The following MCTP1 variants were observed in gnomAD, a reference collection of about 807,000 sequenced individuals.
MCTP1 encodes multiple C2 and transmembrane domain containing 1, also known as multiple C2 and transmembrane domain-containing protein 1.
In MCTP1, 69 loss-of-function variants were observed where a neutral mutation model predicts 120.6. The ratio of observed to expected loss-of-function variants is 0.57; its 90% CI spans 0.47 to 0.70. The LOEUF (loss-of-function observed/expected upper bound fraction) is 0.70, where lower values mean the gene tolerates loss of function less well. Ranked by LOEUF, MCTP1 falls within the 30% of genes least tolerant of loss-of-function variation. MCTP1 has a pLI of 0.00. For synonymous variants in MCTP1, 529 were observed against 493.1 expected, an observed-to-expected ratio of 1.07 and a Z score of -0.96; for missense variants, 1,203 against 1,248.8, an observed-to-expected ratio of 0.96 and a Z score of 0.55.
At chr5:95,017,586 C>A in intron 1 of MCTP1, 102 bp from the exon 2 acceptor site, 1 of 498,650 alleles carries the variant, frequency 2.0e-6, no homozygotes, top group Non-Finnish European at 3.3e-6. Context: ...AAGAATTAGT[C>A]AATAAAATAA....
chr5:95,111,858 G>A lies in MCTP1; in HGVS notation c.721-94374C>T, dbSNP rs115521967. Among the ~76,000 whole-genome samples the A allele has an allele frequency of 6.4e-3, 974 of 152,138 alleles. 9 individuals carry two copies. The highest frequency in any genetic ancestry group is 0.022 in the African/African-American group (921 of 41,522). ...CTTATTTTTCTCTGATGGATGTAAT[G>A]TCTCTCCCTTTATCTGTGTACCTTT... is the stretch of plus-strand genomic sequence containing the variant. On this transcript the variant is annotated intron_variant, in intron 1 of 22. Transcript: ENST00000515393.
In MCTP1 at chr5:94,863,679, A is replaced by G. The variant is rs538503763; in HGVS notation, c.2436+4654T>C. ...GTTTGTAATAACTTTTTAAAAATCC[A>G]TATGTTGTTTAATAGCAGCAGACTT... On this transcript the variant is annotated intron_variant, in intron 17 of 22. Transcript: ENST00000515393. Among the ~76,000 whole-genome samples the G allele has an allele frequency of 2.0e-5, 3 of 151,984 alleles. No individual in the cohort carries two copies. In the East Asian group the frequency reaches 5.8e-4, roughly 30 times the overall value.
At chr5:95,234,022 A>G (rs1009700701) in intron 1 of MCTP1, among the ~76,000 whole-genome samples, 2 of 152,112 alleles carry the variant, frequency 1.3e-5, no homozygotes, top group African/African-American at 2.4e-5. Context: ...GAGAAGAAAA[A>G]AAAAAAAAGA....
chr5:95,103,322 T>TA (rs1455242645), intron 1 of MCTP1, among the ~76,000 whole-genome samples: 1 of 149,016 alleles, frequency 6.7e-6, no homozygotes, highest in African/African-American at 2.6e-5. Context: ...AAATTATATA[T>TA]TTTTTTTAAA....
In MCTP1 at chr5:94,820,395, C is replaced by T. The variant is rs17333729; in HGVS notation, c.2437-21263G>A. On this transcript the variant is annotated intron_variant, in intron 17 of 22. Transcript: ENST00000515393. ...TAAGGTTAGCTGTTCAATGGTTGCT[C>T]TAATGGGACCTTCTTTATGCCTATG... 6.5e-3 allele frequency among the ~76,000 whole-genome samples: 983 copies of T among 152,300 alleles called. 13 individuals carry two copies. The highest frequency in any genetic ancestry group is 9.3e-3 in the Non-Finnish European group (632 of 68,016).
intron 12 of MCTP1, among the ~76,000 whole-genome samples, chr5:94,887,160 GA>G (rs1156556608): frequency 2.6e-5 from 4 of 151,824 alleles, no homozygotes; most frequent in African/African-American, 9.7e-5. Flanking sequence ...AAAAGTGGAG[GA>G]AAAAAATGGA....
chr5:94,740,949 T>C (rs1259923118), intron 19 of MCTP1, among the ~76,000 whole-genome samples: 1 of 152,160 alleles, frequency 6.6e-6, no homozygotes, highest in East Asian at 1.9e-4. Flanking sequence ...ACACAAATTA[T>C]TGCATGAAGA....
intron 1 of MCTP1, among the ~76,000 whole-genome samples, chr5:95,183,781 A>T (rs1057201432): frequency 1.3e-5 from 2 of 152,222 alleles, no homozygotes; most frequent in Admixed American, 1.3e-4. Context: ...TCACAATTAG[A>T]TACTACTTCA....
intron 1 of MCTP1, among the ~76,000 whole-genome samples, chr5:95,099,144 C>T (rs1380031636): frequency 9.9e-5 from 15 of 152,064 alleles, no homozygotes; most frequent in South Asian, 2.1e-4. Context: ...AAGACTTAAA[C>T]GTTAGACCTA....
chr5:94,769,631 A>G (rs1267937659), intron 19 of MCTP1, among the ~76,000 whole-genome samples: 2 of 152,206 alleles, frequency 1.3e-5, no homozygotes, highest in Non-Finnish European at 2.9e-5. Context: ...CACAGAACCA[A>G]TAAAATTGAA....
In MCTP1 at chr5:95,219,844, A is replaced by G. The variant is rs1005580329; in HGVS notation, c.720+64012T>C. ...CTATTAAGCTCATTTAGAAATAAAT[A>G]CTAAGCTACTAAGGTAATGAATTCA... On this transcript the variant is annotated intron_variant, in intron 1 of 22. Coordinates refer to ENST00000515393, the MANE Select transcript of MCTP1 (RefSeq NM_024717.7). Among the ~76,000 whole-genome samples the G allele has an allele frequency of 7.2e-5, 11 of 152,376 alleles. No homozygotes were observed. The South Asian group carries it at 1.9e-3, about 26-fold the overall frequency.
At chr5:94,910,200 GTATATATACATA>G (rs1561843368) in intron 9 of MCTP1, among the ~76,000 whole-genome samples, 21 of 150,828 alleles carry the variant, frequency 1.4e-4, no homozygotes, top group Non-Finnish European at 1.0e-4. Context: ...ATACATATAT[GTATATATACATA>G]TATGTGTATA....
At chr5:95,197,408 A>G (rs1345567892) in intron 1 of MCTP1, among the ~76,000 whole-genome samples, 1 of 152,224 alleles carries the variant, frequency 6.6e-6, no homozygotes, top group African/African-American at 2.4e-5. Flanking sequence ...TGAAGCATGT[A>G]CAAGGATGTT....
intron 1 of MCTP1, chr5:95,166,199 T>A (rs1015238415): frequency 6.6e-6 from 1 of 152,216 alleles, no homozygotes; most frequent in Non-Finnish European, 1.5e-5. Flanking sequence ...CTTTTTGCAC[T>A]TTTTCCCCTA....
At chr5:95,271,110 A>C (rs539582925) in intron 1 of MCTP1, among the ~76,000 whole-genome samples, 1 of 152,328 alleles carries the variant, frequency 6.6e-6, no homozygotes, top group Admixed American at 6.5e-5. Context: ...CTCACATCAG[A>C]TATATGCTCC....
chr5:94,885,341 G>A (rs1423150981), intron 12 of MCTP1, among the ~76,000 whole-genome samples: 3 of 151,192 alleles, frequency 2.0e-5, no homozygotes, highest in African/African-American at 7.3e-5. Context: ...AGAGAACCCA[G>A]GGGAAAATGA....
At chr5:95,110,887 A>C (rs1328552212) in intron 1 of MCTP1, among the ~76,000 whole-genome samples, 1 of 152,206 alleles carries the variant, frequency 6.6e-6, no homozygotes, top group Non-Finnish European at 1.5e-5. Context: ...AATGTGAATT[A>C]CATCTCTGTA....
At chr5:95,158,817 T>C (rs759851876) in intron 1 of MCTP1, among the ~76,000 whole-genome samples, 3 of 150,994 alleles carry the variant, frequency 2.0e-5, no homozygotes, top group Non-Finnish European at 4.4e-5. Context: ...TGCATGCCTA[T>C]GGTCCCAGCT....
At chr5:94,810,876 A>G (rs1783266427) in intron 17 of MCTP1, among the ~76,000 whole-genome samples, 1 of 152,174 alleles carries the variant, frequency 6.6e-6, no homozygotes. Context: ...TGGGTTTAAT[A>G]TCTTCATTTA....
Sources: gnomAD v4.1 joint callset for allele counts (sites outside exome capture counted in the v4.1 genomes callset) on GRCh38, gnomAD v4.1.1 for gene constraint, MANE v1.5 for transcripts, NCBI Gene and HGNC (gene_info 2026-07-23, HGNC 2026-07-21) for gene names.